The following FAR1 variants were observed in gnomAD, a reference collection of about 807,000 sequenced individuals.
FAR1 encodes the protein male sterility domain-containing protein 2.
A neutral mutation model predicts 61.1 loss-of-function variants in FAR1; 22 were observed. The observed-to-expected ratio is 0.36, with a 90% CI of 0.26 to 0.51. FAR1 has a LOEUF of 0.51. FAR1 is among the 20% of genes least tolerant of loss of function. The pLI is 0.95. For synonymous variants in FAR1, 206 were observed against 209.7 expected (o/e 0.98, Z 0.15); for missense variants, 359 against 626.9 (o/e 0.57, Z 4.56).
At chr11:13,670,592 A>G (rs1847990012) in intron 1 of FAR1, among the ~76,000 whole-genome samples, 1 of 152,202 alleles carries the variant, frequency 6.6e-6, no homozygotes, top group Non-Finnish European at 1.5e-5. Flanking sequence ...GCGCCGGCCA[A>G]AATTATTCCA....
intron 10 of FAR1, among the ~76,000 whole-genome samples, chr11:13,725,188 G>T (rs1054653658): frequency 1.3e-5 from 2 of 152,082 alleles, no homozygotes; most frequent in Non-Finnish European, 2.9e-5. Context: ...TTTGTGTAGG[G>T]TATATACCTA....
intron 10 of FAR1, chr11:13,723,317 A>C: frequency 2.7e-6 from 1 of 376,288 alleles, no homozygotes; most frequent in Non-Finnish European, 5.0e-6. Flanking sequence ...GTGAGATGTG[A>C]TCACGTCATT....
At chr11:13,689,926 A>C (rs990921159) in intron 1 of FAR1, among the ~76,000 whole-genome samples, 1 of 133,500 alleles carries the variant, frequency 7.5e-6, no homozygotes, top group Admixed American at 8.8e-5. Flanking sequence ...GCCAGGCTGG[A>C]GTGCAGTGGC....
In FAR1 at chr11:13,669,926, T is replaced by C. The variant is rs560621228; in HGVS notation, c.-8+1120T>C. Among the ~76,000 whole-genome samples the C allele has an allele frequency of 1.6e-3, 243 of 152,266 alleles. 2 individuals are homozygous for C. The highest frequency in any genetic ancestry group is 9.6e-4 in the Non-Finnish European group (65 of 68,024). On this transcript the variant is annotated intron_variant, in intron 1 of 11. Transcript: ENST00000354817. ...GTTTAAAGACAACATCAGAAGATAC[T>C]CTCAGAAAATCTGCCCTCCAGGGGA...
intron 3 of FAR1, among the ~76,000 whole-genome samples, chr11:13,707,506 C>T (rs1011389706): frequency 6.6e-6 from 1 of 152,038 alleles, no homozygotes; most frequent in Non-Finnish European, 1.5e-5. Context: ...ATTACTTAAC[C>T]ATTCTATTTT....
intron 10 of FAR1, 129 bp from the exon 11 acceptor site, chr11:13,727,426 AG>A: frequency 1.4e-6 from 1 of 697,080 alleles, no homozygotes. Context: ...AGATTTCAGA[AG>A]TTAATTCTGT....
At position 13,712,023 on chromosome 11, in the gene FAR1, A is replaced by T; in HGVS notation, c.864A>T (p.Ala288=). 1 of 1,612,780 alleles carries T rather than the reference A, an allele frequency of 6.2e-7. No homozygotes were observed. Among genetic ancestry groups the T allele is most frequent in the South Asian group, 1.1e-5 (1 of 91,054 alleles). Residue 288 remains alanine, a synonymous_variant, in exon 7 of 12, where the codon GCA becomes GCT. Coordinates refer to ENST00000354817, the MANE Select transcript of FAR1 (RefSeq NM_032228.6). ...TAGTTGTCAACATGAGTCTTGCGGC[A>T]GCCTGGTATTCCGGAGTTAATAGGT... ...VDVVVNMSLA[A]AWYSGVNRPR... is the part of the protein sequence containing the mutation.
intron 3 of FAR1, among the ~76,000 whole-genome samples, chr11:13,701,768 CATT>C (rs1428248537): frequency 1.3e-5 from 2 of 151,950 alleles, no homozygotes; most frequent in Non-Finnish European, 2.9e-5. Context: ...TGTATTTTCT[CATT>C]AATTATTTTA....
At position 13,728,369 on chromosome 11, in the gene FAR1, A is replaced by T. The variant is rs17535412; in HGVS notation, c.1386-243A>T. Among the ~76,000 whole-genome samples, 7,350 of 151,948 alleles carry T rather than the reference A, an allele frequency of 0.048. 211 individuals carry two copies. The highest frequency in any genetic ancestry group is 0.096 in the South Asian group (462 of 4,826). ...AAGCAACTAAAGATGTCAAAAAAAA[A>T]GTTTGCTCTATTTTGTCTGTACTGT... On this transcript the variant is annotated intron_variant, in intron 11 of 11. Coordinates refer to ENST00000354817, the MANE Select transcript of FAR1 (RefSeq NM_032228.6).
At chr11:13,684,576 G>T (rs1196836713) in intron 1 of FAR1, among the ~76,000 whole-genome samples, 2 of 152,270 alleles carry the variant, frequency 1.3e-5, no homozygotes, top group Non-Finnish European at 2.9e-5. Flanking sequence ...AAGGTAAACA[G>T]GTGAGTTTAG....
chr11:13,707,874 T>C (rs1302235234), intron 3 of FAR1, 26 bp from the exon 4 acceptor site: 1 of 1,458,812 alleles, frequency 6.9e-7, no homozygotes, highest in South Asian at 1.5e-5. Context: ...CCCAATTTTC[T>C]ATTGTCACTT....
intron 4 of FAR1, among the ~76,000 whole-genome samples, chr11:13,708,447 G>GCGCGCGCGCACACACACACACA (rs139902063): frequency 7.3e-6 from 1 of 136,700 alleles, no homozygotes; most frequent in African/African-American, 2.8e-5. Flanking sequence ...GCGCGCGCGC[G>GCGCGCGCGCACACACACACACA]CACACACACA....
intron 9 of FAR1, among the ~76,000 whole-genome samples, chr11:13,715,140 ACC>A (rs1848541589): frequency 2.0e-5 from 3 of 152,124 alleles, no homozygotes; most frequent in Non-Finnish European, 4.4e-5. Context: ...CAGGTCAGAA[ACC>A]GCGGTAAGAA....
intron 1 of FAR1, among the ~76,000 whole-genome samples, chr11:13,671,815 G>A (rs1486178642): frequency 2.0e-5 from 3 of 152,174 alleles, no homozygotes; most frequent in Non-Finnish European, 2.9e-5. Context: ...TCTGCTTGAT[G>A]CCAGGCACTG....
chr11:13,717,822 G>A (rs1848571484), intron 9 of FAR1, among the ~76,000 whole-genome samples: 1 of 152,202 alleles, frequency 6.6e-6, no homozygotes, highest in Non-Finnish European at 1.5e-5. Flanking sequence ...TACAAAAACA[G>A]GTGGTGGGCT....
intron 1 of FAR1, among the ~76,000 whole-genome samples, chr11:13,675,474 CTATCTT>C (rs1408533093): frequency 2.0e-5 from 3 of 152,184 alleles, no homozygotes. Context: ...CTGTATCTCT[CTATCTT>C]TATCTTTTAG....
chr11:13,684,781 G>A (rs1848168462), intron 1 of FAR1, among the ~76,000 whole-genome samples: 2 of 152,128 alleles, frequency 1.3e-5, no homozygotes, highest in Non-Finnish European at 2.9e-5. Context: ...TCACTAGTCT[G>A]TGTACTTTAT....
In FAR1 at chr11:13,694,814, G is replaced by A. The variant is rs1232596657; in HGVS notation, c.49G>A (p.Gly17Arg). ...YYEGKNVLLT[G>R]ATGFLGKVLL... Reference sequence around the variant, plus strand: ...TGAAGGCAAGAACGTCCTCCTCACAGGAGCTACCGGTTTTCTAGGGAAGGT... The same window carrying A: ...TGAAGGCAAGAACGTCCTCCTCACAAGAGCTACCGGTTTTCTAGGGAAGGT... The change falls in exon 2 of 12, where the codon GGA becomes AGA. Residue 17 changes from glycine (G) to arginine (R), a missense_variant. Around this residue, in one of 2 missense-constraint regions of FAR1, gnomAD observed 344 missense variants for 570.3 expected, o/e 0.60. Transcript: ENST00000354817. 1.2e-6 allele frequency: 2 copies of A among 1,613,894 alleles called. No homozygotes were observed. The highest frequency in any genetic ancestry group is 2.7e-5 in the African/African-American group (2 of 74,896).
chr11:13,714,485 T>C, intron 8 of FAR1, 24 bp from the exon 9 acceptor site: 1 of 1,589,902 alleles, frequency 6.3e-7, no homozygotes, highest in Non-Finnish European at 8.5e-7. Context: ...TTATCAAAGC[T>C]GTTACACAAC....
Sources: allele counts gnomAD v4.1 joint callset (sites outside exome capture counted in the v4.1 genomes callset), GRCh38; gene constraint gnomAD v4.1.1; regional missense constraint gnomAD v4.1.1; transcripts MANE v1.5; gene names NCBI Gene and HGNC (gene_info 2026-07-23, HGNC 2026-07-21).